Variants in WDR7 observed in about 807,000 individuals in gnomAD.
The protein encoded by WDR7 is WD repeat-containing protein 7.
WDR7 carries 46 observed loss-of-function variants against 169.4 expected under a neutral mutation model. The observed-to-expected ratio is 0.27, with a 90% CI of 0.21 to 0.35. WDR7 has a LOEUF of 0.35. Ranked by LOEUF, WDR7 falls within the 10% of genes least tolerant of loss-of-function variation. The pLI is 1.00. For missense variants in WDR7, 1,534 were observed against 1,859.3 expected (o/e 0.83, Z 3.22); for synonymous variants, 612 against 666.8 (o/e 0.92, Z 1.27).
intron 13 of WDR7, among the ~76,000 whole-genome samples, chr18:56,727,463 G>A (rs550545184): frequency 6.6e-6 from 1 of 152,206 alleles, no homozygotes; most frequent in East Asian, 1.9e-4. Flanking sequence ...GTTCCGCATG[G>A]TTGGGGAGGC....
chr18:56,953,317 G>T (rs1170508136), intron 25 of WDR7, among the ~76,000 whole-genome samples: 2 of 152,090 alleles, frequency 1.3e-5, no homozygotes, highest in Non-Finnish European at 2.9e-5. Context: ...ACACTATATG[G>T]TGTTTATCTT....
chr18:56,744,245 GAAAAA>G (rs58110613), intron 14 of WDR7, among the ~76,000 whole-genome samples: 63 of 86,886 alleles, frequency 7.3e-4, no homozygotes, highest in African/African-American at 1.7e-3. Flanking sequence ...TCTCAAAAAA[GAAAAA>G]AAAAAAAAAA....
At chr18:57,006,233 CAA>C (rs2048056440) in intron 26 of WDR7, among the ~76,000 whole-genome samples, 2 of 152,128 alleles carry the variant, frequency 1.3e-5, no homozygotes, top group Middle Eastern at 3.4e-3. Flanking sequence ...AGATTACTAA[CAA>C]AGTGCATTCT....
At chr18:56,955,259 A>G (rs117576447) in intron 25 of WDR7, among the ~76,000 whole-genome samples, 3,021 of 152,264 alleles carry the variant, frequency 0.02, 47 homozygotes, top group Middle Eastern at 0.037. Context: ...CAGTTTGTCT[A>G]TCCTAAAATC....
At chr18:56,718,508 TTTC>T (rs376132550) in intron 13 of WDR7, among the ~76,000 whole-genome samples, 24 of 152,316 alleles carry the variant, frequency 1.6e-4, no homozygotes, top group African/African-American at 5.3e-4. Context: ...ACAACCCTTT[TTTC>T]TTTGAACAGC....
At chr18:56,991,440 C>T (rs988660718) in intron 26 of WDR7, among the ~76,000 whole-genome samples, 8 of 152,092 alleles carry the variant, frequency 5.3e-5, no homozygotes, top group African/African-American at 1.2e-4. Flanking sequence ...CCACCATGCC[C>T]GGCCTCATTT....
At chr18:56,966,324 C>T (rs1368054872) in intron 26 of WDR7, among the ~76,000 whole-genome samples, 2 of 152,028 alleles carry the variant, frequency 1.3e-5, no homozygotes, top group African/African-American at 4.8e-5. Flanking sequence ...TCCTTCACCT[C>T]TTCTCCCTCT....
At chr18:56,930,796 G>A (rs7232510) in intron 22 of WDR7, among the ~76,000 whole-genome samples, 1 of 152,058 alleles carries the variant, frequency 6.6e-6, no homozygotes, top group South Asian at 2.1e-4. Flanking sequence ...AAATTTTCAG[G>A]CTATTCAATG....
At position 57,012,896 on chromosome 18, in the gene WDR7, C is replaced by A. The variant is rs1021026228; in HGVS notation, c.4165-7849C>A. On this transcript the variant is annotated intron_variant, in intron 26 of 27. Transcript: ENST00000254442. ...TCTATGAGGTGGGGAATAACATAGT[C>A]TGCTTATCTCATTGGGTTGATATGT... Among the ~76,000 whole-genome samples the A allele has an allele frequency of 2.0e-5, 3 of 152,282 alleles. 1 individual carries two copies. Among genetic ancestry groups the A allele is most frequent in the South Asian group, 4.1e-4 (2 of 4,824 alleles).
Position 56,997,195 on chromosome 18 carries a change from C to T in WDR7, c.4165-23550C>T, listed in dbSNP as rs548696569. The stretch of plus-strand genomic sequence containing the variant: ...AAAGGAAGCAATTACTTTTCAGAAA[C>T]AACATATTCTTCTCCATGCTCCCTG... On this transcript the variant is annotated intron_variant, in intron 26 of 27. Transcript: ENST00000254442. 4.6e-5 allele frequency among the ~76,000 whole-genome samples: 7 copies of T among 152,272 alleles called. No individual in the cohort carries two copies. The South Asian group carries it at 1.4e-3, about 32-fold the overall frequency.
intron 20 of WDR7, among the ~76,000 whole-genome samples, chr18:56,827,942 G>A (rs898286217): frequency 2.6e-5 from 4 of 152,130 alleles, no homozygotes; most frequent in African/African-American, 7.2e-5. Flanking sequence ...AAGAACTGGA[G>A]CATAGTAAGT....
At chr18:56,823,500 C>T (rs1296409622) in intron 20 of WDR7, among the ~76,000 whole-genome samples, 1 of 152,124 alleles carries the variant, frequency 6.6e-6, no homozygotes, top group African/African-American at 2.4e-5. Context: ...GCAGGAGAAT[C>T]GCTTGAACCC....
chr18:56,819,882 TATC>T (rs1246275764), intron 20 of WDR7, among the ~76,000 whole-genome samples: 2 of 152,138 alleles, frequency 1.3e-5, no homozygotes, highest in African/African-American at 4.8e-5. Flanking sequence ...TTTCCAGTAT[TATC>T]ACTTAATTGC....
chr18:56,972,578 G>C lies in WDR7; in HGVS notation c.4164+10049G>C, dbSNP rs989422960. On this transcript the variant is annotated intron_variant, in intron 26 of 27. Coordinates refer to ENST00000254442, the MANE Select transcript of WDR7 (RefSeq NM_015285.3). ...AACAACCAGAAATATGGCATCAGGGGTGATCATAAGATGAATGGTTGGAGA... is the reference window on the plus strand; with the variant it reads ...AACAACCAGAAATATGGCATCAGGGCTGATCATAAGATGAATGGTTGGAGA... Among the ~76,000 whole-genome samples the C allele has an allele frequency of 7.2e-5, 11 of 152,254 alleles. No individual in the cohort carries two copies. In the Middle Eastern group the frequency reaches 0.01, roughly 141 times the overall value.
chr18:56,818,815 A>G (rs1296482358), intron 20 of WDR7, among the ~76,000 whole-genome samples: 1 of 118,706 alleles, frequency 8.4e-6, no homozygotes, highest in African/African-American at 4.3e-5. Flanking sequence ...AGTACTACAA[A>G]AGGGAAAGCT....
rs554142667 is a variant in WDR7, at chr18:56,716,659, T to C, written c.1579-1305T>C. Among the ~76,000 whole-genome samples the C allele has an allele frequency of 2.2e-4, 34 of 152,328 alleles. No homozygotes were observed. The South Asian group carries it at 3.3e-3, about 15-fold the overall frequency. ...TTATGCCCAAGATCCAGCACTGTTA[T>C]AGACAGAAAATTCAGTTCTGAGTTT... On this transcript the variant is annotated intron_variant, in intron 12 of 27. Coordinates refer to ENST00000254442, the MANE Select transcript of WDR7 (RefSeq NM_015285.3).
chr18:56,825,250 G>C (rs1335203694), intron 20 of WDR7, among the ~76,000 whole-genome samples: 1 of 152,080 alleles, frequency 6.6e-6, no homozygotes, highest in African/African-American at 2.4e-5. Flanking sequence ...TTTATTTTTT[G>C]TGTGTGCATG....
intron 12 of WDR7, among the ~76,000 whole-genome samples, chr18:56,710,904 G>A (rs1207687304): frequency 6.6e-6 from 1 of 152,102 alleles, no homozygotes; most frequent in African/African-American, 2.4e-5. Flanking sequence ...TAACTATTTG[G>A]CATTGTAATT....
At chr18:56,893,466 A>T (rs1035975974) in intron 21 of WDR7, among the ~76,000 whole-genome samples, 1 of 152,120 alleles carries the variant, frequency 6.6e-6, no homozygotes, top group East Asian at 1.9e-4. Flanking sequence ...AGGTATATAG[A>T]AACATTTTGT....
Sources: gnomAD v4.1 joint callset for allele counts (sites outside exome capture counted in the v4.1 genomes callset) on GRCh38, gnomAD v4.1.1 for gene constraint, MANE v1.5 for transcripts, NCBI Gene and HGNC (gene_info 2026-07-23, HGNC 2026-07-21) for gene names.